Variants in AP3B1 observed in about 807,000 individuals in gnomAD.
The protein encoded by AP3B1 is AP-3 complex subunit beta-1.
A neutral mutation model predicts 132.5 loss-of-function variants in AP3B1; 61 were observed. The ratio of observed to expected loss-of-function variants is 0.46; its 90% confidence interval spans 0.37 to 0.57. AP3B1 has a LOEUF of 0.57. Among genes scored for constraint, AP3B1 ranks in the 20% least tolerant of loss-of-function variants. The pLI is 0.00. For missense variants in AP3B1, 1,120 were observed against 1,289.4 expected (o/e 0.87, Z 2.01); for synonymous variants, 388 against 438.3 (o/e 0.89, Z 1.43).
chr5:78,071,553 G>C (rs2112163543), intron 22 of AP3B1, among the ~76,000 whole-genome samples: 1 of 152,132 alleles, frequency 6.6e-6, no homozygotes, highest in South Asian at 2.1e-4. Context: ...CATGTATCCT[G>C]GAACTTAAAA....
At chr5:78,017,441 T>C (rs1746906264) in intron 25 of AP3B1, among the ~76,000 whole-genome samples, 1 of 152,026 alleles carries the variant, frequency 6.6e-6, no homozygotes, top group Admixed American at 6.6e-5. Context: ...AGCAAATGTA[T>C]TGTCTCGATT....
At chr5:78,240,079 G>A (rs1407549791) in intron 3 of AP3B1, among the ~76,000 whole-genome samples, 1 of 152,136 alleles carries the variant, frequency 6.6e-6, no homozygotes. Flanking sequence ...TCTCACACTT[G>A]CCCGTGCAAG....
intron 20 of AP3B1, 30 bp from the exon 21 acceptor site, chr5:78,101,055 C>T (rs764403122): frequency 3.0e-6 from 4 of 1,335,190 alleles, no homozygotes; most frequent in Non-Finnish European, 4.2e-6. Flanking sequence ...TCATTTATCA[C>T]ACGTTCTGTT....
chr5:78,141,391 T>G, intron 14 of AP3B1, 72 bp from the exon 15 acceptor site: 1 of 1,245,838 alleles, frequency 8.0e-7, no homozygotes, highest in Admixed American at 2.0e-5. Context: ...GAAAAGGTTT[T>G]AACTATTACA....
chr5:78,234,935 A>G (rs1255664175), intron 3 of AP3B1, among the ~76,000 whole-genome samples: 1 of 152,188 alleles, frequency 6.6e-6, no homozygotes, highest in Admixed American at 6.5e-5. Context: ...GACTGCCTCC[A>G]AAGTCTTTAA....
At chr5:78,176,835 C>T (rs1252706938) in intron 9 of AP3B1, among the ~76,000 whole-genome samples, 1 of 152,180 alleles carries the variant, frequency 6.6e-6, no homozygotes, top group East Asian at 1.9e-4. Context: ...ATTAAAAACA[C>T]AGCTCTCTTT....
intron 13 of AP3B1, among the ~76,000 whole-genome samples, chr5:78,159,494 C>T (rs1215330717): frequency 2.6e-5 from 4 of 152,076 alleles, no homozygotes; most frequent in Admixed American, 6.6e-5. Flanking sequence ...TCTTTTCCTT[C>T]CCCCTCCCAA....
chr5:78,177,239 T>C lies in AP3B1; in HGVS notation c.1040+100A>G, dbSNP rs188534925. 2.9e-4 allele frequency: 220 copies of C among 765,250 alleles called. No homozygotes were observed. In the African/African-American group the frequency reaches 3.5e-3, roughly 12 times the overall value. The allele number at this position is 765,250 out of a possible 1,614,324, so 47.4% of individuals were successfully genotyped here. A position where few individuals can be genotyped will look rare whatever the true frequency, so the allele number is the denominator to read the frequency against. ...TCTTACTGATCGATTGATTAAAATA[T>C]AGTCAGAGTTATATATTAAATGCCT... On this transcript the variant is annotated intron_variant, in intron 9 of 26. Coordinates refer to ENST00000255194, the MANE Select transcript of AP3B1 (RefSeq NM_003664.5).
chr5:78,140,696 T>C (rs1306863933), intron 15 of AP3B1, among the ~76,000 whole-genome samples: 1 of 152,216 alleles, frequency 6.6e-6, no homozygotes, highest in Middle Eastern at 3.2e-3. Context: ...GGATATAAAC[T>C]TTCAGACCAT....
In AP3B1 at chr5:78,227,374, G is replaced by A. The variant is rs199526004; in HGVS notation, c.534C>T (p.Tyr178=). 1 of 1,613,040 alleles carries A rather than the reference G, an allele frequency of 6.2e-7. No homozygotes were observed. Among genetic ancestry groups the A allele is most frequent in the Admixed American group, 1.7e-5 (1 of 60,006 alleles). The part of the protein sequence containing the change: ...KNAAHAIQKL[Y]SLDPEQKEML... ...TATATTGTTAACAATGCACCTACCTGTATAATTTTTGTATTGCATGGGCTG... is the reference window on the plus strand; with the variant it reads ...TATATTGTTAACAATGCACCTACCTATATAATTTTTGTATTGCATGGGCTG... Residue 178 remains tyrosine (Y), a splice_region_variant and synonymous_variant, in exon 5 of 27, where the codon TAC becomes TAT. Transcript: ENST00000255194.
chr5:78,252,301 A>AG (rs1747671616), intron 2 of AP3B1, among the ~76,000 whole-genome samples: 1 of 152,088 alleles, frequency 6.6e-6, no homozygotes, highest in Non-Finnish European at 1.5e-5. Flanking sequence ...TGAGAACAGC[A>AG]GGGGGGAAAG....
intron 7 of AP3B1, among the ~76,000 whole-genome samples, chr5:78,194,352 A>C (rs1744995663): frequency 6.6e-6 from 1 of 152,200 alleles, no homozygotes; most frequent in African/African-American, 2.4e-5. Context: ...TGTGTTTTAC[A>C]AATGCATGAA....
At position 78,240,856 on chromosome 5, in the gene AP3B1, C is replaced by T. The variant is rs1269853831; in HGVS notation, c.279+6G>A. On this transcript the variant is annotated splice_donor_region_variant and intron_variant, in intron 3 of 26. Coordinates refer to ENST00000255194, the MANE Select transcript of AP3B1 (RefSeq NM_003664.5). ...GAATCATAAAAATTATAGATCAAAA[C>T]AGTACCTCAATATTTTTACTGGCCA... 1 of 1,595,630 alleles carries T rather than the reference C, an allele frequency of 6.3e-7. No individual in the cohort carries two copies. The highest frequency in any genetic ancestry group is 1.7e-5 in the Admixed American group (1 of 59,988).
At chr5:78,193,770 A>AGATAGATATATATATTTTTTTTTTTT (rs1744960485) in intron 7 of AP3B1, among the ~76,000 whole-genome samples, 2 of 67,218 alleles carry the variant, frequency 3.0e-5, no homozygotes, top group Non-Finnish European at 6.4e-5. Context: ...ATATATATAT[A>AGATAGATATATATATTTTTTTTTTTT]TTTTTTTTTT....
intron 17 of AP3B1, among the ~76,000 whole-genome samples, chr5:78,116,514 A>G (rs1751834768): frequency 6.6e-6 from 1 of 152,218 alleles, no homozygotes; most frequent in Admixed American, 6.5e-5. Flanking sequence ...AGATTTAAAC[A>G]AAAGTAATAT....
intron 14 of AP3B1, among the ~76,000 whole-genome samples, chr5:78,151,328 C>T (rs1470211644): frequency 2.0e-5 from 3 of 152,206 alleles, no homozygotes; most frequent in African/African-American, 7.2e-5. Context: ...GATAATTTGA[C>T]TTCTTCCTTT....
chr5:78,050,398 T>G (rs1748529301), intron 22 of AP3B1, among the ~76,000 whole-genome samples: 1 of 152,200 alleles, frequency 6.6e-6, no homozygotes, highest in Admixed American at 6.5e-5. Context: ...TTTACTATTT[T>G]AAATGATTAT....
intron 17 of AP3B1, among the ~76,000 whole-genome samples, chr5:78,126,876 C>CT (rs974919690): frequency 1.3e-5 from 2 of 152,172 alleles, no homozygotes; most frequent in African/African-American, 4.8e-5. Context: ...AGGCGATTTA[C>CT]TTTAAGTTAT....
rs1365481788 is a variant in AP3B1 at position 78,264,680 on chromosome 5, G to C, written c.204+2840C>G. On this transcript the variant is annotated intron_variant, in intron 2 of 26. Transcript: ENST00000255194. The stretch of plus-strand genomic sequence containing the variant: ...AGTTGAATCCTTTAAAGCATACATA[G>C]AACCAAAGCATTGTTATTGAAGGAA... Among the ~76,000 whole-genome samples the C allele has an allele frequency of 2.0e-5, 3 of 152,116 alleles. No individual in the cohort carries two copies. The South Asian group carries it at 6.2e-4, about 32-fold the overall frequency.
Sources: gnomAD v4.1 joint callset for allele counts (sites outside exome capture counted in the v4.1 genomes callset) on GRCh38, gnomAD v4.1.1 for gene constraint, MANE v1.5 for transcripts, NCBI Gene and HGNC (gene_info 2026-07-23, HGNC 2026-07-21) for gene names.